NTNG1: variants seen among roughly 807,000 people sequenced by gnomAD.
The protein encoded by NTNG1 is netrin-G1.
In NTNG1, 16 loss-of-function variants were observed where a neutral mutation model predicts 54.0. The ratio of observed to expected loss-of-function variants is 0.30; its 90% CI spans 0.20 to 0.45. The LOEUF is 0.45. NTNG1 is among the 20% of genes least tolerant of loss of function. NTNG1 has a pLI of 1.00. For missense variants in NTNG1, 530 were observed against 678.7 expected, an observed-to-expected ratio of 0.78 and a Z score of 2.43; for synonymous variants, 255 against 263.1, an observed-to-expected ratio of 0.97 and a Z score of 0.30.
chr1:107,347,858 T>G (rs1220285323), intron 3 of NTNG1, among the ~76,000 whole-genome samples: 1 of 152,018 alleles, frequency 6.6e-6, no homozygotes, highest in Non-Finnish European at 1.5e-5. Flanking sequence ...TATAAAATCA[T>G]CAGATCTCGT....
chr1:107,405,272 A>G (rs577586644), intron 4 of NTNG1, among the ~76,000 whole-genome samples: 1 of 152,200 alleles, frequency 6.6e-6, no homozygotes, highest in African/African-American at 2.4e-5. Context: ...GATATTTTCA[A>G]CTTCAAAGGT....
intron 2 of NTNG1, among the ~76,000 whole-genome samples, chr1:107,237,867 G>T (rs1228401772): frequency 6.6e-6 from 1 of 152,200 alleles, no homozygotes; most frequent in Non-Finnish European, 1.5e-5. Flanking sequence ...TTTGCTGCAG[G>T]GATGGGACCC....
In NTNG1 at chr1:107,395,137, G is replaced by A. The variant is rs1267142695; in HGVS notation, c.888-17G>A. The stretch of plus-strand genomic sequence containing the variant: ...CAACTTATCTGACAATGAACTCTTT[G>A]TCTCTCCTCTGCCCAGGTGCAAGTG... On this transcript the variant is annotated splice_polypyrimidine_tract_variant and intron_variant, in intron 3 of 7. Coordinates refer to ENST00000370068, the MANE Select transcript of NTNG1 (RefSeq NM_001113226.3). The A allele has an allele frequency of 6.2e-7, 1 of 1,605,760 alleles. No homozygotes were observed. The highest frequency in any genetic ancestry group is 8.5e-7 in the Non-Finnish European group (1 of 1,174,978).
intron 2 of NTNG1, among the ~76,000 whole-genome samples, chr1:107,227,672 T>G (rs1318588063): frequency 7.1e-6 from 1 of 140,226 alleles, no homozygotes; most frequent in Admixed American, 6.8e-5. Context: ...TCTCGCTCTC[T>G]CTCTCTCTCT....
chr1:107,198,856 T>C (rs918776129), intron 2 of NTNG1, among the ~76,000 whole-genome samples: 1 of 151,920 alleles, frequency 6.6e-6, no homozygotes, highest in East Asian at 1.9e-4. Flanking sequence ...ATGGAGTGTT[T>C]AGTCCTGTAT....
At chr1:107,441,985 T>G (rs954011972) in intron 7 of NTNG1, among the ~76,000 whole-genome samples, 1 of 152,090 alleles carries the variant, frequency 6.6e-6, no homozygotes, top group Admixed American at 6.6e-5. Flanking sequence ...AAGAAAGGTA[T>G]TGTGAGAGCA....
intron 2 of NTNG1, among the ~76,000 whole-genome samples, chr1:107,281,223 C>A (rs1664838866): frequency 6.6e-6 from 1 of 152,044 alleles, no homozygotes. Context: ...TGTACTTCCA[C>A]ACAATTATGT....
chr1:107,182,558 T>C (rs1657151355), intron 2 of NTNG1, among the ~76,000 whole-genome samples: 2 of 152,174 alleles, frequency 1.3e-5, no homozygotes, highest in East Asian at 3.8e-4. Context: ...TAAAATATCC[T>C]TCATTCCTTG....
In NTNG1 at chr1:107,201,177, C is replaced by A. The variant is rs954054479; in HGVS notation, c.246+52338C>A. Among the ~76,000 whole-genome samples, 9 of 150,668 alleles carry A rather than the reference C, an allele frequency of 6.0e-5. No individual in the cohort carries two copies. In the South Asian group the frequency reaches 1.9e-3, roughly 31 times the overall value. ...TAGTATTAAACTATTCCCTAATTCTCACAGATAATGATGGAGTAAACTTTA... is the reference window on the plus strand; with the variant it reads ...TAGTATTAAACTATTCCCTAATTCTAACAGATAATGATGGAGTAAACTTTA... On this transcript the variant is annotated intron_variant, in intron 2 of 7. Coordinates refer to ENST00000370068, the MANE Select transcript of NTNG1 (RefSeq NM_001113226.3).
chr1:107,324,316 C>T lies in NTNG1; in HGVS notation c.281C>T (p.Ala94Val), dbSNP rs751293979. 15 of 1,613,240 alleles carry T rather than the reference C, an allele frequency of 9.3e-6. No homozygotes were observed. Among genetic ancestry groups the T allele is most frequent in the Middle Eastern group, 3.3e-4 (2 of 6,076 alleles). ...TACATGTGCAATAATGAGTGTGATGCGAGTACCCCTGAGCTGGCACACCCC... is the reference window on the plus strand; with the variant it reads ...TACATGTGCAATAATGAGTGTGATGTGAGTACCCCTGAGCTGGCACACCCC... ...NPYMCNNECD[A>V]STPELAHPPE... The change falls in exon 3 of 8, where the codon GCG becomes GTG. Residue 94 changes from alanine (A) to valine (V), a missense_variant. By Grantham distance (64) the Ala-to-Val change is moderately conservative (BLOSUM62 0). Transcript: ENST00000370068.
intron 7 of NTNG1, among the ~76,000 whole-genome samples, chr1:107,457,381 A>G (rs1677013134): frequency 6.6e-6 from 1 of 152,218 alleles, no homozygotes; most frequent in Non-Finnish European, 1.5e-5. Flanking sequence ...CACCTTTTAC[A>G]TTTACCCATG....
At chr1:107,436,882 G>A (rs1418810806) in intron 7 of NTNG1, 83 bp downstream of exon 7, 3 of 1,316,044 alleles carry the variant, frequency 2.3e-6, no homozygotes, top group Admixed American at 2.1e-5. Context: ...CAGCTTCTCA[G>A]AGCAGAAAAA....
chr1:107,178,752 T>C (rs1466772902), intron 2 of NTNG1, among the ~76,000 whole-genome samples: 2 of 152,198 alleles, frequency 1.3e-5, no homozygotes, highest in African/African-American at 2.4e-5. Flanking sequence ...CTGTTTTTCT[T>C]TTCTAGGTGA....
intron 2 of NTNG1, among the ~76,000 whole-genome samples, chr1:107,251,822 C>T (rs1662626995): frequency 6.6e-6 from 1 of 152,168 alleles, no homozygotes; most frequent in South Asian, 2.1e-4. Context: ...CTATTTGTCC[C>T]TAAGCACATT....
chr1:107,196,641 A>ACCCAGTTATT (rs1658355438), intron 2 of NTNG1, among the ~76,000 whole-genome samples: 1 of 151,978 alleles, frequency 6.6e-6, no homozygotes, highest in Non-Finnish European at 1.5e-5. Flanking sequence ...AAATGATGAC[A>ACCCAGTTATT]ACATAACACC....
At chr1:107,159,440 TA>T (rs1655250673) in intron 2 of NTNG1, among the ~76,000 whole-genome samples, 1 of 152,184 alleles carries the variant, frequency 6.6e-6, no homozygotes, top group Non-Finnish European at 1.5e-5. Flanking sequence ...AGCTGATATT[TA>T]TGAAGAACTT....
chr1:107,344,097 C>CTA (rs1669079395), intron 3 of NTNG1, among the ~76,000 whole-genome samples: 1 of 151,962 alleles, frequency 6.6e-6, no homozygotes. Flanking sequence ...GTTTATTGAG[C>CTA]TATGGTATCA....
In NTNG1 at chr1:107,306,181, C is replaced by T. The variant is rs182339320; in HGVS notation, c.247-18101C>T. 1.3e-3 allele frequency among the ~76,000 whole-genome samples: 194 copies of T among 152,156 alleles called. 1 individual carries two copies. Among genetic ancestry groups the T allele is most frequent in the African/African-American group, 4.6e-3 (189 of 41,502 alleles). ...TCTATATAAGTAATTTTAAATTTAA[C>T]AAAGGTAAAATGAAACAGGTAAAAT... On this transcript the variant is annotated intron_variant, in intron 2 of 7. Coordinates refer to ENST00000370068, the MANE Select transcript of NTNG1 (RefSeq NM_001113226.3).
intron 2 of NTNG1, among the ~76,000 whole-genome samples, chr1:107,229,591 C>T (rs2101522188): frequency 6.6e-6 from 1 of 151,760 alleles, no homozygotes; most frequent in East Asian, 1.9e-4. Flanking sequence ...TGGAAAAATG[C>T]TTAGAGATGG....
Sources: allele counts gnomAD v4.1 joint callset (sites outside exome capture counted in the v4.1 genomes callset), GRCh38; gene constraint gnomAD v4.1.1; transcripts MANE v1.5; gene names NCBI Gene and HGNC (gene_info 2026-07-23, HGNC 2026-07-21).